The following PTPRN variants were observed in gnomAD, a reference collection of about 807,000 sequenced individuals.
The protein encoded by PTPRN is receptor-type tyrosine-protein phosphatase-like N.
A neutral mutation model predicts 108.5 loss-of-function variants in PTPRN; 70 were observed. That is an observed-to-expected ratio of 0.65 (90% confidence interval 0.53 to 0.79). PTPRN has a LOEUF of 0.79. Ranked by LOEUF, PTPRN falls within the 30% of genes least tolerant of loss-of-function variation. The pLI is 0.00. For missense variants in PTPRN, 1,136 were observed against 1,295.5 expected (o/e 0.88, Z 1.89); for synonymous variants, 496 against 524.6 (o/e 0.95, Z 0.75).
Position 219,296,042 on chromosome 2 carries a change from G to A in PTPRN, c.2508+184C>T. The A allele has an allele frequency of 1.3e-6, 1 of 769,282 alleles. No homozygotes were observed. Among genetic ancestry groups the A allele is most frequent in the South Asian group, 1.8e-5 (1 of 55,310 alleles). The allele number at this position is 769,282 out of a possible 1,614,324, so 47.7% of individuals were successfully genotyped here. On this transcript the variant is annotated intron_variant, in intron 18 of 22. Transcript: ENST00000295718. This position sits in a 1 kb window ranked among gnomAD's most constrained non-coding sequence, Gnocchi z 6.0. ...AAACAGGACACACACATGTATATATGTGAATATATGGGTATGCATATATGT... is the reference window on the plus strand; with the variant it reads ...AAACAGGACACACACATGTATATATATGAATATATGGGTATGCATATATGT...
chr2:219,290,982 G>C lies in PTPRN; in HGVS notation c.2730-92C>G, dbSNP rs1952041781. ...GAGGAGGCCTGGAGGCCTGGGGGAGGGGAGGACACTGGGTGACCCGTTGGG... is the reference window on the plus strand; with the variant it reads ...GAGGAGGCCTGGAGGCCTGGGGGAGCGGAGGACACTGGGTGACCCGTTGGG... On this transcript the variant is annotated intron_variant, in intron 20 of 22. Coordinates refer to ENST00000295718, the MANE Select transcript of PTPRN (RefSeq NM_002846.4). This position sits in a 1 kb window ranked among gnomAD's most constrained non-coding sequence, Gnocchi z 4.2. 7.8e-7 allele frequency: 1 copy of C among 1,282,594 alleles called. No individual in the cohort carries two copies. Among genetic ancestry groups the C allele is most frequent in the Non-Finnish European group, 1.1e-6 (1 of 881,966 alleles). 79.5% of individuals were successfully genotyped at this position (1,282,594 alleles called of 1,614,324 possible).
In PTPRN at chr2:219,297,037, G is replaced by A. The variant is rs149729180; in HGVS notation, c.2184C>T (p.Thr728=). The A allele has an allele frequency of 2.1e-5, 34 of 1,613,968 alleles. No homozygotes were observed. The highest frequency in any genetic ancestry group is 2.0e-4 in the Admixed American group (12 of 60,012). ...AYQAEPNTCA[T]AQGEGNIKKN... ...TTTTGATGTTGCCCTCCCCCTGCGC[G>A]GTGGCACAGGTGTTTGGCTCTGCTT... Residue 728 remains threonine, a synonymous_variant, in exon 15 of 23, where the codon ACC becomes ACT. Transcript: ENST00000295718. The surrounding 1 kb of genome is among the most constrained non-coding windows in gnomAD (Gnocchi z 6.0).
In PTPRN at chr2:219,297,156, T is replaced by G; in HGVS notation, c.2089-24A>C. On this transcript the variant is annotated intron_variant, in intron 14 of 22. Coordinates refer to ENST00000295718, the MANE Select transcript of PTPRN (RefSeq NM_002846.4). This position sits in a 1 kb window ranked among gnomAD's most constrained non-coding sequence, Gnocchi z 6.0. Reference sequence around the variant, plus strand: ...GCCTGTGGGGGCACCACGGTCTGGCTCTGGCCCACACAGCCAGCCTGGCCT... The same window carrying G: ...GCCTGTGGGGGCACCACGGTCTGGCGCTGGCCCACACAGCCAGCCTGGCCT... 6.2e-7 allele frequency: 1 copy of G among 1,612,954 alleles called. No homozygotes were observed. The highest frequency in any genetic ancestry group is 2.2e-5 in the East Asian group (1 of 44,854).
intron 3 of PTPRN, among the ~76,000 whole-genome samples, chr2:219,306,688 C>T (rs1291966514): frequency 2.0e-5 from 3 of 152,214 alleles, no homozygotes; most frequent in Non-Finnish European, 4.4e-5. Flanking sequence ...TCCTCTCCAT[C>T]AGTCTTCTAC....
chr2:219,290,631 T>G lies in PTPRN; in HGVS notation c.2795-20A>C. The G allele has an allele frequency of 6.5e-7, 1 of 1,549,748 alleles. No individual in the cohort carries two copies. The highest frequency in any genetic ancestry group is 2.0e-5 in the Admixed American group (1 of 51,016). On this transcript the variant is annotated intron_variant, in intron 21 of 22. Transcript: ENST00000295718. This position sits in a 1 kb window ranked among gnomAD's most constrained non-coding sequence, Gnocchi z 4.2. The stretch of plus-strand genomic sequence containing the variant: ...TCACTCCTGGAGATGGAGGTGGGGA[T>G]GGGGCTGCTCAGGGGGTGTCCAGAG...
Position 219,307,577 on chromosome 2 carries a change from G to A in PTPRN, c.167-20C>T, listed in dbSNP as rs745832981. Reference sequence around the variant, plus strand: ...AGCCATCTAAGGGCACAAAAGTGGTGTCAGCAGGGGGCTTGAATAAGAGGC... The same window carrying A: ...AGCCATCTAAGGGCACAAAAGTGGTATCAGCAGGGGGCTTGAATAAGAGGC... On this transcript the variant is annotated intron_variant, in intron 2 of 22. Coordinates refer to ENST00000295718, the MANE Select transcript of PTPRN (RefSeq NM_002846.4). 4 of 1,606,252 alleles carry A rather than the reference G, an allele frequency of 2.5e-6. No individual in the cohort carries two copies. The South Asian group carries it at 4.4e-5, about 18-fold the overall frequency.
In PTPRN at chr2:219,290,985, A is replaced by G; in HGVS notation, c.2730-95T>C. ...GAGGCCTGGAGGCCTGGGGGAGGGG[A>G]GGACACTGGGTGACCCGTTGGGGTT... On this transcript the variant is annotated intron_variant, in intron 20 of 22. Coordinates refer to ENST00000295718, the MANE Select transcript of PTPRN (RefSeq NM_002846.4). This position sits in a 1 kb window ranked among gnomAD's most constrained non-coding sequence, Gnocchi z 4.2. 1 of 1,250,620 alleles carries G rather than the reference A, an allele frequency of 8.0e-7. No homozygotes were observed. Among genetic ancestry groups the G allele is most frequent in the Non-Finnish European group, 1.2e-6 (1 of 853,768 alleles). 77.5% of individuals were successfully genotyped at this position (1,250,620 alleles called of 1,614,324 possible). A position where few individuals can be genotyped will look rare whatever the true frequency, so the allele number is the denominator to read the frequency against.
At chr2:219,291,853 G>A (rs927027786) in intron 19 of PTPRN, 54 of 410,076 alleles carry the variant, frequency 1.3e-4, no homozygotes, top group African/African-American at 1.0e-3. Context: ...GATCACATGA[G>A]ATAACCCATG....
intron 19 of PTPRN, among the ~76,000 whole-genome samples, chr2:219,294,493 A>AGACGGAGAGGGATGCAGGAGG (rs1952127746): frequency 7.0e-6 from 1 of 143,556 alleles, no homozygotes; most frequent in African/African-American, 2.8e-5. Flanking sequence ...AGAGGCGAAG[A>AGACGGAGAGGGATGCAGGAGG]GACGGAGAGG....
rs758650999 is a variant in PTPRN at position 219,296,353 on chromosome 2, C to T, written c.2389-8G>A. 20 of 1,614,030 alleles carry T rather than the reference C, an allele frequency of 1.2e-5. No individual in the cohort carries two copies. The highest frequency in any genetic ancestry group is 1.6e-5 in the Non-Finnish European group (19 of 1,180,040). On this transcript the variant is annotated splice_polypyrimidine_tract_variant and splice_region_variant and intron_variant, in intron 17 of 22. Coordinates refer to ENST00000295718, the MANE Select transcript of PTPRN (RefSeq NM_002846.4). This position sits in a 1 kb window ranked among gnomAD's most constrained non-coding sequence, Gnocchi z 6.0. ...GCCGCTCTCCCACACCATCTAGGGA[C>T]AGAGACCCAGTTGAGCTCCACTCTA...
chr2:219,296,673 G>A lies in PTPRN; in HGVS notation c.2310+76C>T. The A allele has an allele frequency of 6.3e-7, 1 of 1,582,492 alleles. No individual in the cohort carries two copies. The highest frequency in any genetic ancestry group is 1.3e-5 in the African/African-American group (1 of 74,262). On this transcript the variant is annotated intron_variant, in intron 16 of 22. Coordinates refer to ENST00000295718, the MANE Select transcript of PTPRN (RefSeq NM_002846.4). The surrounding 1 kb of genome is among the most constrained non-coding windows in gnomAD (Gnocchi z 6.0). ...CCAGGGGGTTGGTGGGGTGGCAGGT[G>A]ACCACGGGGAAATGGAGTGCATAGG...
Position 219,296,058 on chromosome 2 carries a change from G to T in PTPRN, c.2508+168C>A. On this transcript the variant is annotated intron_variant, in intron 18 of 22. Transcript: ENST00000295718. The surrounding 1 kb of genome is among the most constrained non-coding windows in gnomAD (Gnocchi z 6.0). ...TGTATATATGTGAATATATGGGTAT[G>T]CATATATGTGTTTATATATATTCAT... 1.1e-6 allele frequency: 1 copy of T among 872,026 alleles called. No individual in the cohort carries two copies. Among genetic ancestry groups the T allele is most frequent in the Non-Finnish European group, 1.8e-6 (1 of 561,898 alleles). The allele number at this position is 872,026 out of a possible 1,614,324, so 54.0% of individuals were successfully genotyped here. A position where few individuals can be genotyped will look rare whatever the true frequency, so the allele number is the denominator to read the frequency against.
At chr2:219,298,464 G>A (rs1952257984) in intron 12 of PTPRN, among the ~76,000 whole-genome samples, 1 of 152,214 alleles carries the variant, frequency 6.6e-6, no homozygotes, top group African/African-American at 2.4e-5. Context: ...AGCACTTTGG[G>A]GGGCCAAAGG....
At chr2:219,299,222 G>T in intron 11 of PTPRN, 83 bp downstream of exon 11, 1 of 1,597,874 alleles carries the variant, frequency 6.3e-7, no homozygotes. Flanking sequence ...CATTTCAAGG[G>T]GGCATCAGCA....
At position 219,290,838 on chromosome 2, in the gene PTPRN, G is replaced by A. The variant is rs772936871; in HGVS notation, c.2782C>T (p.Arg928Cys). Residue 928 changes from arginine to cysteine, a missense_variant, in exon 21 of 23, where the codon CGC becomes TGC. Physicochemically the swap from Arg to Cys is radical, Grantham distance 180. Coordinates refer to ENST00000295718, the MANE Select transcript of PTPRN (RefSeq NM_002846.4). The surrounding 1 kb of genome is among the most constrained non-coding windows in gnomAD (Gnocchi z 4.2). ...TYILIDMVLN[R>C]MAKGVKEIDI... ...GGAAGCTCCCTACCTTTTGCCATGC[G>A]GTTCAGGACCATGTCGATGAGGATG... 3.7e-6 allele frequency: 6 copies of A among 1,613,984 alleles called. No individual in the cohort carries two copies. Among genetic ancestry groups the A allele is most frequent in the East Asian group, 2.2e-5 (1 of 44,884 alleles).
intron 3 of PTPRN, among the ~76,000 whole-genome samples, chr2:219,305,374 C>T (rs538043401): frequency 1.3e-5 from 2 of 152,188 alleles, no homozygotes; most frequent in East Asian, 3.9e-4. Flanking sequence ...TCCTGAGTAG[C>T]TGGGATTACA....
Position 219,291,503 on chromosome 2 carries a change from C to T in PTPRN, c.2696G>A (p.Arg899Gln), listed in dbSNP as rs200458438. Residue 899 changes from arginine (R) to glutamine (Q), a missense_variant, in exon 20 of 23, where the codon CGG becomes CAG. By Grantham distance (43) the Arg-to-Gln change is conservative. Coordinates refer to ENST00000295718, the MANE Select transcript of PTPRN (RefSeq NM_002846.4). ...DFRRKVNKCY[R>Q]GRSCPIIVHC... ...CACGATGATGGGGCAGGAGCGGCCCCGGTAGCACTTGTTCACCTTCCTGCA... is the reference window on the plus strand; with the variant it reads ...CACGATGATGGGGCAGGAGCGGCCCTGGTAGCACTTGTTCACCTTCCTGCA... 7.4e-6 allele frequency: 12 copies of T among 1,613,896 alleles called. No homozygotes were observed. The highest frequency in any genetic ancestry group is 1.7e-5 in the Admixed American group (1 of 59,986).
chr2:219,308,411 G>A lies in PTPRN; in HGVS notation c.116-569C>T, dbSNP rs567393494. The stretch of plus-strand genomic sequence containing the variant: ...AGAGAGGAAGGGGTCACAGAGCGAG[G>A]ACTCTCCACTAGACCTGAGCCCTCT... On this transcript the variant is annotated intron_variant, in intron 1 of 22. Transcript: ENST00000295718. 37 of 177,016 alleles carry A rather than the reference G, an allele frequency of 2.1e-4. No homozygotes were observed. In the South Asian group the frequency reaches 4.3e-3, roughly 20 times the overall value. 11.0% of individuals were successfully genotyped at this position (177,016 alleles called of 1,614,324 possible).
chr2:219,295,975 GAC>G (rs58673887), intron 18 of PTPRN: 69,259 of 407,044 alleles, frequency 0.17, 2,246 homozygotes, highest in East Asian at 0.41. Context: ...CTCTAGACAG[GAC>G]ACACACACAC....
Sources: gnomAD v4.1 joint callset for allele counts (sites outside exome capture counted in the v4.1 genomes callset) on GRCh38, gnomAD v4.1.1 for gene constraint, Gnocchi (gnomAD v3.1) non-coding constraint, MANE v1.5 for transcripts, NCBI Gene and HGNC (gene_info 2026-07-23, HGNC 2026-07-21) for gene names.